CSNK1G1: variants seen among roughly 807,000 people sequenced by gnomAD.
The protein encoded by CSNK1G1 is casein kinase I isoform gamma-1.
CSNK1G1 carries 22 observed loss-of-function variants against 59.6 expected under a neutral mutation model. The ratio of observed to expected loss-of-function variants is 0.37; its 90% CI spans 0.26 to 0.53. The LOEUF is 0.53. Ranked by LOEUF, CSNK1G1 falls within the 20% of genes least tolerant of loss-of-function variation. CSNK1G1 has a pLI of 0.89. For synonymous variants in CSNK1G1, 179 were observed against 177.1 expected, an observed-to-expected ratio of 1.01 and a Z score of -0.08; for missense variants, 384 against 519.5, an observed-to-expected ratio of 0.74 and a Z score of 2.54.
rs572451796 is a variant in CSNK1G1, at chr15:64,215,324, T to C, written c.445-1200A>G. ...ACCTCCTGGGTTCACGCCATTCTCC[T>C]GCCTCAGCCTCCTGAGTAGCTGGGA... is the stretch of plus-strand genomic sequence containing the variant. On this transcript the variant is annotated intron_variant, in intron 5 of 11. Coordinates refer to ENST00000303052, the MANE Select transcript of CSNK1G1 (RefSeq NM_022048.5). 6.0e-5 allele frequency among the ~76,000 whole-genome samples: 9 copies of C among 149,374 alleles called. No individual in the cohort carries two copies. The East Asian group carries it at 1.8e-3, about 31-fold the overall frequency.
chr15:64,340,379 T>C (rs1165734930), intron 1 of CSNK1G1, among the ~76,000 whole-genome samples: 2 of 152,214 alleles, frequency 1.3e-5, no homozygotes, highest in Non-Finnish European at 2.9e-5. Flanking sequence ...AGTATTGTTT[T>C]AATGTCAAAA....
chr15:64,189,426 G>A lies in CSNK1G1; in HGVS notation c.1108-8972C>T, dbSNP rs145550263. 32 of 1,290,252 alleles carry A rather than the reference G, an allele frequency of 2.5e-5. No homozygotes were observed. The Admixed American group carries it at 5.3e-4, about 21-fold the overall frequency. 79.9% of individuals were successfully genotyped at this position (1,290,252 alleles called of 1,614,324 possible). A position where few individuals can be genotyped will look rare whatever the true frequency, so the allele number is the denominator to read the frequency against. On this transcript the variant is annotated intron_variant, in intron 10 of 11. Coordinates refer to ENST00000303052, the MANE Select transcript of CSNK1G1 (RefSeq NM_022048.5). ...TCTGTTTAGGTGCCTCTTCCCCTGT[G>A]CCAGATGGCTGAGTTGTTAACATCA...
intron 11 of CSNK1G1, among the ~76,000 whole-genome samples, chr15:64,172,555 A>G (rs1216154187): frequency 6.6e-6 from 1 of 152,122 alleles, no homozygotes; most frequent in Non-Finnish European, 1.5e-5. Flanking sequence ...AGTAGGCAGG[A>G]GAGGCCCTGA....
intron 2 of CSNK1G1, among the ~76,000 whole-genome samples, chr15:64,286,326 G>C (rs528481927): frequency 6.6e-6 from 1 of 151,648 alleles, no homozygotes; most frequent in Non-Finnish European, 1.5e-5. Flanking sequence ...TGCTGATATT[G>C]TTAACATGTT....
At chr15:64,255,782 A>G (rs867494818) in intron 3 of CSNK1G1, among the ~76,000 whole-genome samples, 17 of 152,234 alleles carry the variant, frequency 1.1e-4, no homozygotes, top group African/African-American at 3.9e-4. Flanking sequence ...CAAAGAATTC[A>G]GAAGTTTCTC....
intron 10 of CSNK1G1, among the ~76,000 whole-genome samples, chr15:64,195,248 T>C (rs1378523586): frequency 1.3e-5 from 2 of 152,228 alleles, no homozygotes; most frequent in Non-Finnish European, 2.9e-5. Context: ...TGTTACCATT[T>C]AAAAGCTTTT....
chr15:64,314,158 T>G (rs895173434), intron 1 of CSNK1G1, among the ~76,000 whole-genome samples: 1 of 152,018 alleles, frequency 6.6e-6, no homozygotes, highest in Non-Finnish European at 1.5e-5. Context: ...CAGGCTGGAG[T>G]GTAGTGCCTG....
At chr15:64,264,554 C>T (rs1892878390) in intron 2 of CSNK1G1, among the ~76,000 whole-genome samples, 1 of 152,162 alleles carries the variant, frequency 6.6e-6, no homozygotes, top group African/African-American at 2.4e-5. Context: ...ATACCAAAAC[C>T]AGGCCAGGAT....
chr15:64,295,986 G>GTA (rs1894999251), intron 2 of CSNK1G1, among the ~76,000 whole-genome samples: 1 of 152,162 alleles, frequency 6.6e-6, no homozygotes, highest in Non-Finnish European at 1.5e-5. Context: ...CACTTGCACA[G>GTA]TATCTAGTGA....
intron 2 of CSNK1G1, among the ~76,000 whole-genome samples, chr15:64,261,181 C>T (rs1892668007): frequency 1.3e-5 from 2 of 152,128 alleles, no homozygotes; most frequent in African/African-American, 4.8e-5. Flanking sequence ...AACAAACAGC[C>T]AATTCCCAGG....
intron 2 of CSNK1G1, among the ~76,000 whole-genome samples, chr15:64,296,861 T>C (rs1229631599): frequency 7.2e-6 from 1 of 139,186 alleles, no homozygotes; most frequent in African/African-American, 2.7e-5. Flanking sequence ...CAAAACTCCA[T>C]CTAAAAGAAA....
intron 2 of CSNK1G1, among the ~76,000 whole-genome samples, chr15:64,280,239 T>C (rs1378742089): frequency 3.3e-5 from 5 of 152,034 alleles, no homozygotes; most frequent in Non-Finnish European, 7.4e-5. Flanking sequence ...TCAAATTCAC[T>C]TTGCATTTCA....
chr15:64,192,375 T>C (rs2081983747), intron 10 of CSNK1G1, among the ~76,000 whole-genome samples: 1 of 152,236 alleles, frequency 6.6e-6, no homozygotes, highest in Admixed American at 6.5e-5. Context: ...TTGCATCACC[T>C]TCATGGAAAT....
At position 64,189,880 on chromosome 15, in the gene CSNK1G1, G is replaced by A. The variant is rs183005924; in HGVS notation, c.1108-9426C>T. Among the ~76,000 whole-genome samples the A allele has an allele frequency of 6.2e-4, 93 of 149,616 alleles. 1 individual carries two copies. The highest frequency in any genetic ancestry group is 3.2e-3 in the Admixed American group (48 of 14,934). ...GTCGCCCAGGCTGGAGTGCAGTGGC[G>A]CATTCTCGGCTCACTGCAAGCTCCG... On this transcript the variant is annotated intron_variant, in intron 10 of 11. Coordinates refer to ENST00000303052, the MANE Select transcript of CSNK1G1 (RefSeq NM_022048.5).
chr15:64,343,550 G>A (rs970460399), intron 1 of CSNK1G1, among the ~76,000 whole-genome samples: 3 of 152,002 alleles, frequency 2.0e-5, no homozygotes, highest in African/African-American at 7.2e-5. Flanking sequence ...TCAGAGTTGA[G>A]ATCCACTACT....
At chr15:64,353,377 T>G (rs370449864) in intron 1 of CSNK1G1, among the ~76,000 whole-genome samples, 158 of 152,266 alleles carry the variant, frequency 1.0e-3, no homozygotes, top group South Asian at 2.1e-3. Context: ...CCGGGTACGG[T>G]GGCTCATGCC....
chr15:64,280,174 A>G (rs1894047584), intron 2 of CSNK1G1, among the ~76,000 whole-genome samples: 1 of 152,158 alleles, frequency 6.6e-6, no homozygotes, highest in Non-Finnish European at 1.5e-5. Context: ...ACACACACAC[A>G]TAAAGGTTTC....
intron 11 of CSNK1G1, among the ~76,000 whole-genome samples, chr15:64,178,829 T>C (rs553907000): frequency 6.8e-4 from 103 of 151,974 alleles, no homozygotes; most frequent in African/African-American, 2.4e-3. Flanking sequence ...ATCACCCAGA[T>C]TGGAGTACAG....
At chr15:64,295,664 T>A (rs1596236887) in intron 2 of CSNK1G1, among the ~76,000 whole-genome samples, 1 of 152,154 alleles carries the variant, frequency 6.6e-6, no homozygotes, top group Non-Finnish European at 1.5e-5. Context: ...AATGGAAGAA[T>A]AAAGTACAAC....
Sources: gnomAD v4.1 joint callset for allele counts (sites outside exome capture counted in the v4.1 genomes callset) on GRCh38, gnomAD v4.1.1 for gene constraint, MANE v1.5 for transcripts, NCBI Gene and HGNC (gene_info 2026-07-23, HGNC 2026-07-21) for gene names.